PAPSS1: variants seen among roughly 807,000 people sequenced by gnomAD.
PAPSS1 encodes the protein bifunctional 3'-phosphoadenosine 5'-phosphosulfate synthase 1.
In PAPSS1, 50 loss-of-function variants were observed where a neutral mutation model predicts 72.0. That is an observed-to-expected ratio of 0.69 (90% CI 0.55 to 0.88). The LOEUF is 0.88. Among genes scored for constraint, PAPSS1 ranks in the 40% least tolerant of loss-of-function variants. PAPSS1 has a pLI of 0.00. For missense variants in PAPSS1, 657 were observed against 782.2 expected, an observed-to-expected ratio of 0.84 and a Z score of 1.91; for synonymous variants, 261 against 263.6, an observed-to-expected ratio of 0.99 and a Z score of 0.09.
At chr4:107,656,802 T>C in intron 7 of PAPSS1, 94 bp downstream of exon 7, 1 of 841,184 alleles carries the variant, frequency 1.2e-6, no homozygotes, top group Non-Finnish European at 2.0e-6. Flanking sequence ...TATTAAGACG[T>C]TACCCTACTA....
At chr4:107,651,709 C>T (rs2110316626) in intron 9 of PAPSS1, among the ~76,000 whole-genome samples, 1 of 152,256 alleles carries the variant, frequency 6.6e-6, no homozygotes, top group Admixed American at 6.5e-5. Flanking sequence ...TCAATTACCT[C>T]CCACTGGGTC....
In PAPSS1 at chr4:107,613,945, C is replaced by A; in HGVS notation, c.*304G>T. 2 of 183,188 alleles carry A rather than the reference C, an allele frequency of 1.1e-5. No homozygotes were observed. Among genetic ancestry groups the A allele is most frequent in the Admixed American group, 6.2e-5 (1 of 16,250 alleles). 11.3% of individuals were successfully genotyped at this position (183,188 alleles called of 1,614,324 possible). A position where few individuals can be genotyped will look rare whatever the true frequency, so the allele number is the denominator to read the frequency against. On this transcript the variant is annotated 3_prime_UTR_variant, in exon 12 of 12. Coordinates refer to ENST00000265174, the MANE Select transcript of PAPSS1 (RefSeq NM_005443.5). The stretch of plus-strand genomic sequence containing the variant: ...TTAATGTGAATACTACTGGTTACAA[C>A]TAATATAACAGCTTGAAAAAATCAT...
At chr4:107,704,560 G>T (rs758353285) in intron 1 of PAPSS1, among the ~76,000 whole-genome samples, 7 of 152,164 alleles carry the variant, frequency 4.6e-5, no homozygotes, top group African/African-American at 7.2e-5. Flanking sequence ...TATCATAAAA[G>T]GTTAATGAAC....
rs772468713 is a variant in PAPSS1, at chr4:107,656,994, C to A, written c.797G>T (p.Trp266Leu). The change falls in exon 7 of 12, where the codon TGG (tryptophan) becomes TTG (leucine). Residue 266 changes from tryptophan (W) to leucine (L), a missense_variant. This residue lies in a region of PAPSS1 where 190 missense variants were observed against 176.7 expected (regional missense o/e 1.07). Coordinates refer to ENST00000265174, the MANE Select transcript of PAPSS1 (RefSeq NM_005443.5). Reference sequence around the variant, plus strand: ...CCAACCTTCTGCCAAAACCTGCACCCACTGCATATCCACCTAGTAAATTTG... The same window carrying A: ...CCAACCTTCTGCCAAAACCTGCACCAACTGCATATCCACCTAGTAAATTTG... ...ALKINKVDMQ[W>L]VQVLAEGWAT... The A allele has an allele frequency of 1.9e-6, 3 of 1,612,814 alleles. No homozygotes were observed. The highest frequency in any genetic ancestry group is 1.7e-6 in the Non-Finnish European group (2 of 1,178,840).
intron 10 of PAPSS1, among the ~76,000 whole-genome samples, chr4:107,634,943 G>A (rs1232321692): frequency 4.0e-5 from 6 of 150,990 alleles, no homozygotes; most frequent in African/African-American, 9.7e-5. Flanking sequence ...GACTACAGGC[G>A]CCCGCTACCA....
chr4:107,634,324 G>A (rs1043160009), intron 10 of PAPSS1, among the ~76,000 whole-genome samples: 1 of 152,020 alleles, frequency 6.6e-6, no homozygotes, highest in African/African-American at 2.4e-5. Flanking sequence ...CCATTAAATA[G>A]TTTTTAAAAA....
chr4:107,713,760 CAAAAAAAAAAAAG>C (rs1723561702), intron 1 of PAPSS1, among the ~76,000 whole-genome samples: 1 of 41,464 alleles, frequency 2.4e-5, no homozygotes, highest in African/African-American at 5.2e-5. Flanking sequence ...CTGTCTCAAA[CAAAAAAAAAAAAG>C]AAAAAAAAAT....
chr4:107,705,314 G>C (rs1249752727), intron 1 of PAPSS1, among the ~76,000 whole-genome samples: 1 of 152,226 alleles, frequency 6.6e-6, no homozygotes, highest in African/African-American at 2.4e-5. Flanking sequence ...ATGGTAGGAG[G>C]TGATCAGATC....
intron 5 of PAPSS1, among the ~76,000 whole-genome samples, chr4:107,664,303 C>T (rs1727261412): frequency 6.6e-6 from 1 of 152,180 alleles, no homozygotes; most frequent in Admixed American, 6.6e-5. Context: ...TACTCTCCCC[C>T]AGGTTTACTG....
intron 3 of PAPSS1, among the ~76,000 whole-genome samples, chr4:107,689,589 CTATGATCTTACTATTCTAA>C (rs1248529189): frequency 6.6e-5 from 10 of 152,116 alleles, no homozygotes; most frequent in Non-Finnish European, 1.5e-4. Context: ...AGCAATTAAG[CTATGATCTTACTATTCTAA>C]CTATCCTTTT....
intron 5 of PAPSS1, 133 bp from the exon 6 acceptor site, chr4:107,660,205 T>G (rs1345776840): frequency 1.8e-6 from 1 of 564,454 alleles, no homozygotes; most frequent in African/African-American, 1.9e-5. Flanking sequence ...AGTGCTATGT[T>G]CCCCTCAACC....
chr4:107,708,620 T>C (rs1723402993), intron 1 of PAPSS1, among the ~76,000 whole-genome samples: 1 of 152,240 alleles, frequency 6.6e-6, no homozygotes, highest in African/African-American at 2.4e-5. Flanking sequence ...GCTGAGAATA[T>C]GGCTGAGAAA....
Position 107,701,209 on chromosome 4 carries a change from G to C in PAPSS1, c.137C>G (p.Thr46Ser), listed in dbSNP as rs1379754484. ...TGTGCAACCACGAAAGCCACCTCTG[G>C]TCCCCACCACCTGACCTCTCTTGTT... ...SRNKRGQVVG[T>S]RGGFRGCTVW... The change falls in exon 2 of 12, where the codon ACC becomes AGC. Residue 46 changes from threonine (T) to serine (S), a missense_variant. Transcript: ENST00000265174. 1 of 1,613,458 alleles carries C rather than the reference G, an allele frequency of 6.2e-7. No individual in the cohort carries two copies. Among genetic ancestry groups the C allele is most frequent in the Non-Finnish European group, 8.5e-7 (1 of 1,179,726 alleles).
chr4:107,702,403 GT>G (rs1560590647), intron 1 of PAPSS1, among the ~76,000 whole-genome samples: 1 of 152,094 alleles, frequency 6.6e-6, no homozygotes, highest in African/African-American at 2.4e-5. Context: ...GAAATACATT[GT>G]TATTATCATC....
intron 11 of PAPSS1, among the ~76,000 whole-genome samples, chr4:107,622,775 A>C (rs570164375): frequency 6.6e-6 from 1 of 152,380 alleles, no homozygotes; most frequent in East Asian, 1.9e-4. Context: ...ATTGTACACA[A>C]TAATGATGGT....
intron 1 of PAPSS1, among the ~76,000 whole-genome samples, 197 bp from the exon 2 acceptor site, chr4:107,701,482 A>T (rs1292793691): frequency 1.3e-5 from 2 of 152,134 alleles, no homozygotes; most frequent in Non-Finnish European, 2.9e-5. Flanking sequence ...CCTCACAGCA[A>T]TCCAATGACA....
chr4:107,621,261 T>C (rs562202405), intron 11 of PAPSS1, among the ~76,000 whole-genome samples: 6 of 152,254 alleles, frequency 3.9e-5, no homozygotes, highest in Admixed American at 6.5e-5. Flanking sequence ...CAAAGAGCCA[T>C]TAAAATGATA....
intron 3 of PAPSS1, 134 bp from the exon 4 acceptor site, chr4:107,687,311 G>C: frequency 4.9e-6 from 3 of 615,294 alleles, no homozygotes; most frequent in Non-Finnish European, 7.6e-6. Flanking sequence ...AATATAAACT[G>C]AAAAAAAAAT....
Position 107,708,159 on chromosome 4 carries a change from A to AT in PAPSS1, c.61-6875dup, listed in dbSNP as rs575775705. Among the ~76,000 whole-genome samples the AT allele has an allele frequency of 4.2e-3, 647 of 152,380 alleles. 3 individuals are homozygous for AT. Among genetic ancestry groups the AT allele is most frequent in the African/African-American group, 0.015 (615 of 41,588 alleles). On this transcript the variant is annotated intron_variant, in intron 1 of 11. Transcript: ENST00000265174. ...TTTATTTCCAATAAAATACTTTTAC[A>AT]TATTTAATAATCACTTACAAAAAAT...
Sources: gnomAD v4.1 joint callset for allele counts (sites outside exome capture counted in the v4.1 genomes callset) on GRCh38, gnomAD v4.1.1 for gene constraint, gnomAD v4.1.1 regional missense constraint, MANE v1.5 for transcripts, NCBI Gene and HGNC (gene_info 2026-07-23, HGNC 2026-07-21) for gene names.